The following PXDNL variants were observed in gnomAD, a reference collection of about 807,000 sequenced individuals.
PXDNL encodes the protein probable oxidoreductase PXDNL.
Under a neutral mutation model 150.8 loss-of-function variants are expected in PXDNL, and 145 were observed. The ratio of observed to expected loss-of-function variants is 0.96; its 90% CI spans 0.84 to 1.10. The LOEUF (loss-of-function observed/expected upper bound fraction) is 1.10, where lower values mean the gene tolerates loss of function less well. Ranked by LOEUF, PXDNL falls within the 50% of genes least tolerant of loss-of-function variation. The pLI, the probability that PXDNL is intolerant of heterozygous loss-of-function variation, is 0.00. For synonymous variants in PXDNL, 757 were observed against 725.7 expected, an observed-to-expected ratio of 1.04 and a Z score of -0.69; for missense variants, 2,087 against 1,873.9, an observed-to-expected ratio of 1.11 and a Z score of -2.10.
At chr8:51,652,077 T>G (rs1187061154) in intron 2 of PXDNL, among the ~76,000 whole-genome samples, 1 of 152,180 alleles carries the variant, frequency 6.6e-6, no homozygotes, top group East Asian at 1.9e-4. Flanking sequence ...TTTTTTTAAA[T>G]TGTAAGAAAA....
At chr8:51,423,962 G>C (rs1445499871) in intron 13 of PXDNL, among the ~76,000 whole-genome samples, 1 of 151,950 alleles carries the variant, frequency 6.6e-6, no homozygotes, top group African/African-American at 2.4e-5. Context: ...ATAACCAAAA[G>C]TTCAATCATG....
intron 21 of PXDNL, among the ~76,000 whole-genome samples, chr8:51,338,985 G>A (rs531192372): frequency 6.6e-6 from 1 of 152,284 alleles, no homozygotes; most frequent in South Asian, 2.1e-4. Context: ...AGATGAAGCA[G>A]GCATCAAGTT....
In PXDNL at chr8:51,381,883, A is replaced by G. The variant is rs954963102; in HGVS notation, c.3558-7152T>C. Among the ~76,000 whole-genome samples the G allele has an allele frequency of 3.3e-5, 5 of 151,944 alleles. No individual in the cohort carries two copies. The East Asian group carries it at 9.7e-4, about 29-fold the overall frequency. On this transcript the variant is annotated intron_variant, in intron 17 of 22. Coordinates refer to ENST00000356297, the MANE Select transcript of PXDNL (RefSeq NM_144651.5). Reference sequence around the variant, plus strand: ...AATAAGAAAAATAGAAACACTAATGACAGGTTAACTGCTAAATTATGGCTA... The same window carrying G: ...AATAAGAAAAATAGAAACACTAATGGCAGGTTAACTGCTAAATTATGGCTA...
chr8:51,769,907 C>T (rs2037273379), intron 1 of PXDNL, among the ~76,000 whole-genome samples: 1 of 152,314 alleles, frequency 6.6e-6, no homozygotes, highest in African/African-American at 2.4e-5. Flanking sequence ...GCTGAGACCA[C>T]TGACCCTTCA....
chr8:51,684,530 A>G (rs1369216300), intron 1 of PXDNL, among the ~76,000 whole-genome samples: 1 of 152,244 alleles, frequency 6.6e-6, no homozygotes, highest in African/African-American at 2.4e-5. Context: ...CAGTGTGGGC[A>G]GAGCCTATGG....
Position 51,342,510 on chromosome 8 carries a change from G to T in PXDNL, c.4017-2757C>A, listed in dbSNP as rs190648880. Reference sequence around the variant, plus strand: ...AAATTACTTTGCATTGTTGATTTCTGATTGAAAAAAAATTAGAAATCTCTG... The same window carrying T: ...AAATTACTTTGCATTGTTGATTTCTTATTGAAAAAAAATTAGAAATCTCTG... On this transcript the variant is annotated intron_variant, in intron 20 of 22. Transcript: ENST00000356297. 1.5e-3 allele frequency among the ~76,000 whole-genome samples: 210 copies of T among 140,206 alleles called. 1 individual carries two copies. Among genetic ancestry groups the T allele is most frequent in the African/African-American group, 6.1e-3 (196 of 31,948 alleles). The allele number at this position is 140,206 out of a possible 152,430, so 92.0% of individuals were successfully genotyped here.
intron 1 of PXDNL, among the ~76,000 whole-genome samples, chr8:51,708,671 A>G (rs960132256): frequency 3.3e-5 from 5 of 152,214 alleles, no homozygotes; most frequent in Non-Finnish European, 7.3e-5. Flanking sequence ...GAATCCTTGA[A>G]GAAGAGAACC....
chr8:51,321,083 C>A, intron 21 of PXDNL, 186 bp from the exon 22 acceptor site: 1 of 554,082 alleles, frequency 1.8e-6, no homozygotes, highest in Non-Finnish European at 3.2e-6. Context: ...ATCCAGTATC[C>A]AAACAAATAA....
chr8:51,498,207 C>T (rs1411345556), intron 5 of PXDNL, among the ~76,000 whole-genome samples: 1 of 148,982 alleles, frequency 6.7e-6, no homozygotes, highest in East Asian at 2.0e-4. Flanking sequence ...CGCATGTTGT[C>T]ACTCATAGGT....
chr8:51,339,437 C>A (rs1459744001), intron 21 of PXDNL, among the ~76,000 whole-genome samples, 187 bp downstream of exon 21: 1 of 151,772 alleles, frequency 6.6e-6, no homozygotes. Context: ...TCCATCCGGC[C>A]GACAGAACAA....
chr8:51,605,956 C>T (rs1338781641), intron 2 of PXDNL, among the ~76,000 whole-genome samples: 1 of 152,184 alleles, frequency 6.6e-6, no homozygotes, highest in Non-Finnish European at 1.5e-5. Flanking sequence ...AGAAAGCCCT[C>T]ACGAGATGCT....
intron 3 of PXDNL, among the ~76,000 whole-genome samples, chr8:51,578,001 GGA>G (rs1563471211): frequency 1.1e-4 from 6 of 53,056 alleles, no homozygotes; most frequent in Non-Finnish European, 2.1e-4. Flanking sequence ...GAAAGAAAGA[GGA>G]AGGAAGGAAG....
At position 51,326,907 on chromosome 8, in the gene PXDNL, G is replaced by C. The variant is rs143400420; in HGVS notation, c.4147-6010C>G. ...AACTAGTTATGATAAAGTCAGAGTA[G>C]AGTGAGCCCCTACTTCAATATGACT... On this transcript the variant is annotated intron_variant, in intron 21 of 22. Transcript: ENST00000356297. 1.1e-3 allele frequency among the ~76,000 whole-genome samples: 167 copies of C among 152,238 alleles called. 1 individual carries two copies. Among genetic ancestry groups the C allele is most frequent in the African/African-American group, 3.9e-3 (161 of 41,540 alleles).
At chr8:51,342,147 T>C (rs895409336) in intron 20 of PXDNL, among the ~76,000 whole-genome samples, 1 of 151,886 alleles carries the variant, frequency 6.6e-6, no homozygotes, top group African/African-American at 2.4e-5. Flanking sequence ...CTTATCACAA[T>C]AAAATAAAAT....
At chr8:51,526,578 T>C (rs80163826) in intron 4 of PXDNL, among the ~76,000 whole-genome samples, 10,418 of 152,248 alleles carry the variant, frequency 0.068, 470 homozygotes, top group Middle Eastern at 0.13. Flanking sequence ...AACCTCCTCC[T>C]GCCTCTGTAT....
At chr8:51,406,227 C>T (rs917516920) in intron 17 of PXDNL, among the ~76,000 whole-genome samples, 2 of 152,202 alleles carry the variant, frequency 1.3e-5, no homozygotes, top group Non-Finnish European at 2.9e-5. Context: ...TTGCACAAGA[C>T]GTCATACCCC....
At chr8:51,395,488 T>C (rs1808053135) in intron 17 of PXDNL, among the ~76,000 whole-genome samples, 1 of 152,152 alleles carries the variant, frequency 6.6e-6, no homozygotes, top group Admixed American at 6.5e-5. Flanking sequence ...AAAGAAAATA[T>C]TTTTAAAAAA....
At position 51,408,733 on chromosome 8, in the gene PXDNL, T is replaced by G. The variant is rs562911693; in HGVS notation, c.2891A>C (p.His964Pro). ...GGTGTGCATGGCGGCCAGAGCCAGA[T>G]GCTCGTTGGCCCGGTGGTCCCCGGC... ...FLAGDHRANEHLALAAMHTLW... is the reference protein window; with the variant it reads ...FLAGDHRANEPLALAAMHTLW... Residue 964 changes from histidine (H) to proline (P), a missense_variant, in exon 17 of 23, where the codon CAT (histidine) becomes CCT (proline). Transcript: ENST00000356297. 98 of 1,590,480 alleles carry G rather than the reference T, an allele frequency of 6.2e-5. No individual in the cohort carries two copies. The East Asian group carries it at 2.2e-3, about 35-fold the overall frequency.
At position 51,409,395 on chromosome 8, in the gene PXDNL, G is replaced by T. The variant is rs1380188694; in HGVS notation, c.2229C>A (p.Gly743=). The T allele has an allele frequency of 1.2e-6, 2 of 1,606,710 alleles. No individual in the cohort carries two copies. Among genetic ancestry groups the T allele is most frequent in the African/African-American group, 1.3e-5 (1 of 74,586 alleles). Residue 743 remains glycine (G), a synonymous_variant, in exon 17 of 23, where the codon GGC becomes GGA. Transcript: ENST00000356297. ...TCNNLQQPTW[G]AALTAFARLL... Reference sequence around the variant, plus strand: ...GGCGCGCGAAGGCGGTCAGCGCCGCGCCCCACGTGGGCTGCTGCAGGTTGT... The same window carrying T: ...GGCGCGCGAAGGCGGTCAGCGCCGCTCCCCACGTGGGCTGCTGCAGGTTGT...
Sources: allele counts gnomAD v4.1 joint callset (sites outside exome capture counted in the v4.1 genomes callset), GRCh38; gene constraint gnomAD v4.1.1; transcripts MANE v1.5; gene names NCBI Gene and HGNC (gene_info 2026-07-23, HGNC 2026-07-21).